The following RSU1 variants were observed in gnomAD, a reference collection of about 807,000 sequenced individuals.
RSU1 encodes rsu-1.
A neutral mutation model predicts 31.1 loss-of-function variants in RSU1; 26 were observed. That is an observed-to-expected ratio of 0.84 (90% CI 0.61 to 1.16). The LOEUF is 1.16. Among genes scored for constraint, RSU1 ranks in the 50% most tolerant of loss-of-function variants. The pLI is 0.00. For synonymous variants in RSU1, 164 were observed against 136.3 expected (o/e 1.20, Z -1.41); for missense variants, 320 against 339.1 (o/e 0.94, Z 0.44).
chr10:16,719,766 C>T (rs960402719), intron 7 of RSU1, among the ~76,000 whole-genome samples: 16 of 152,180 alleles, frequency 1.1e-4, no homozygotes, highest in African/African-American at 3.1e-4. Flanking sequence ...GCTATGTCTG[C>T]GCTCCTATCA....
At chr10:16,734,086 C>A (rs556889242) in intron 7 of RSU1, among the ~76,000 whole-genome samples, 2 of 152,208 alleles carry the variant, frequency 1.3e-5, no homozygotes, top group Non-Finnish European at 2.9e-5. Context: ...CACAAAGTGA[C>A]AGATTTAGTG....
chr10:16,591,639 G>A lies in RSU1; in HGVS notation c.*1755C>T, dbSNP rs1000566623. On this transcript the variant is annotated 3_prime_UTR_variant, in exon 9 of 9. Transcript: ENST00000345264. ...TTAAAAATATTACCAGTGAGTCTTC[G>A]ATGATTGCTTCATGTTTCTGGGAGG... 6.6e-6 allele frequency: 1 copy of A among 151,990 alleles called. No individual in the cohort carries two copies. Among genetic ancestry groups the A allele is most frequent in the Non-Finnish European group, 1.5e-5 (1 of 68,002 alleles). 9.4% of individuals were successfully genotyped at this position (151,990 alleles called of 1,614,324 possible). A position where few individuals can be genotyped will look rare whatever the true frequency, so the allele number is the denominator to read the frequency against.
intron 8 of RSU1, among the ~76,000 whole-genome samples, chr10:16,643,571 A>T (rs1244093675): frequency 1.3e-5 from 2 of 152,152 alleles, no homozygotes; most frequent in Non-Finnish European, 2.9e-5. Context: ...TTTCATATTC[A>T]CTCTCACTCA....
intron 8 of RSU1, among the ~76,000 whole-genome samples, chr10:16,630,714 A>G (rs1344938433): frequency 6.6e-6 from 1 of 152,216 alleles, no homozygotes; most frequent in African/African-American, 2.4e-5. Flanking sequence ...TTAATTGAAA[A>G]TATTTCTTCC....
intron 8 of RSU1, among the ~76,000 whole-genome samples, chr10:16,679,639 G>A (rs893719195): frequency 7.9e-5 from 12 of 152,134 alleles, no homozygotes; most frequent in Admixed American, 5.2e-4. Flanking sequence ...GGCAGCACAC[G>A]TGGACGTGAG....
At chr10:16,716,523 C>T (rs1836143527) in intron 7 of RSU1, among the ~76,000 whole-genome samples, 1 of 151,354 alleles carries the variant, frequency 6.6e-6, no homozygotes. Flanking sequence ...GGGATATGCC[C>T]TCCTGATCCC....
chr10:16,813,594 G>A lies in RSU1; in HGVS notation c.109+3379C>T, dbSNP rs553755243. Among the ~76,000 whole-genome samples the A allele has an allele frequency of 1.2e-4, 18 of 152,270 alleles. No individual in the cohort carries two copies. The South Asian group carries it at 1.9e-3, about 16-fold the overall frequency. On this transcript the variant is annotated intron_variant, in intron 2 of 8. Transcript: ENST00000345264. ...ACCAGTCTTATGAAGTGGTTTCTTA[G>A]GCTACCAATTATTAAGTAACTTGAG...
chr10:16,729,713 A>T lies in RSU1; in HGVS notation c.598+22826T>A, dbSNP rs112171366. Among the ~76,000 whole-genome samples, 375 of 152,282 alleles carry T rather than the reference A, an allele frequency of 2.5e-3. 3 individuals are homozygous for T. The highest frequency in any genetic ancestry group is 7.5e-3 in the African/African-American group (311 of 41,550). ...TTTATTTTTCTTTTTTATGGCATTGATATCACTGTTTATGTCAAAGATTGT... is the reference window on the plus strand; with the variant it reads ...TTTATTTTTCTTTTTTATGGCATTGTTATCACTGTTTATGTCAAAGATTGT... On this transcript the variant is annotated intron_variant, in intron 7 of 8. Coordinates refer to ENST00000345264, the MANE Select transcript of RSU1 (RefSeq NM_012425.4).
intron 7 of RSU1, among the ~76,000 whole-genome samples, chr10:16,697,801 TAGTG>T (rs1835710062): frequency 1.3e-5 from 2 of 152,262 alleles, no homozygotes; most frequent in Non-Finnish European, 1.5e-5. Context: ...ATTTTCTAGT[TAGTG>T]AGTATTTTCC....
rs1455210331 is a variant in RSU1 at position 16,817,407 on chromosome 10, G to A, written c.-96C>T. The A allele has an allele frequency of 7.1e-6, 2 of 281,052 alleles. No homozygotes were observed. Among genetic ancestry groups the A allele is most frequent in the Admixed American group, 1.0e-4 (2 of 19,916 alleles). 17.4% of individuals were successfully genotyped at this position (281,052 alleles called of 1,614,324 possible). Reference sequence around the variant, plus strand: ...CCTCACTCCCTGCAACACCGGCACTGAACAGCGAACACGCCCTGTCTCGGC... The same window carrying A: ...CCTCACTCCCTGCAACACCGGCACTAAACAGCGAACACGCCCTGTCTCGGC... On this transcript the variant is annotated 5_prime_UTR_variant, in exon 1 of 9. Coordinates refer to ENST00000345264, the MANE Select transcript of RSU1 (RefSeq NM_012425.4).
At chr10:16,651,832 A>T (rs1834688760) in intron 8 of RSU1, among the ~76,000 whole-genome samples, 1 of 152,250 alleles carries the variant, frequency 6.6e-6, no homozygotes, top group Non-Finnish European at 1.5e-5. Context: ...AACTGACTTA[A>T]AATAACAGAC....
At chr10:16,749,741 G>A (rs945994598) in intron 7 of RSU1, among the ~76,000 whole-genome samples, 5 of 152,180 alleles carry the variant, frequency 3.3e-5, no homozygotes, top group Non-Finnish European at 5.9e-5. Flanking sequence ...TCTCAGCTGC[G>A]TTTTGCAAAG....
chr10:16,604,354 G>C (rs1833763979), intron 8 of RSU1, among the ~76,000 whole-genome samples: 1 of 152,190 alleles, frequency 6.6e-6, no homozygotes, highest in South Asian at 2.1e-4. Context: ...CTGCCCATCA[G>C]AGTCAGCACT....
At chr10:16,776,075 CT>C (rs771278932) in intron 3 of RSU1, among the ~76,000 whole-genome samples, 21 of 152,170 alleles carry the variant, frequency 1.4e-4, no homozygotes, top group Non-Finnish European at 2.6e-4. Flanking sequence ...GAGGGAATAA[CT>C]ACAGACTTAA....
chr10:16,809,547 A>C (rs189480812), intron 2 of RSU1, among the ~76,000 whole-genome samples: 7 of 152,266 alleles, frequency 4.6e-5, no homozygotes, highest in African/African-American at 1.4e-4. Context: ...CTTGATCTAG[A>C]CCAAATGCTC....
intron 8 of RSU1, among the ~76,000 whole-genome samples, chr10:16,643,526 CTCCT>C (rs1171950567): frequency 6.6e-6 from 1 of 151,956 alleles, no homozygotes; most frequent in African/African-American, 2.4e-5. Flanking sequence ...CTTACTTCTC[CTCCT>C]TCCAAGAATT....
At chr10:16,688,990 A>T (rs1375711377) in intron 8 of RSU1, among the ~76,000 whole-genome samples, 1 of 149,296 alleles carries the variant, frequency 6.7e-6, no homozygotes, top group Non-Finnish European at 1.5e-5. Flanking sequence ...CCTGGGTGAC[A>T]AAGTGATACT....
chr10:16,805,750 C>T (rs1207417076), intron 2 of RSU1, among the ~76,000 whole-genome samples: 4 of 148,976 alleles, frequency 2.7e-5, no homozygotes, highest in South Asian at 2.1e-4. Flanking sequence ...TTTAGCAATA[C>T]TGGCATTAGT....
chr10:16,624,324 C>T (rs1483503994), intron 8 of RSU1, among the ~76,000 whole-genome samples: 1 of 152,110 alleles, frequency 6.6e-6, no homozygotes, highest in Non-Finnish European at 1.5e-5. Context: ...CCAGTTACTT[C>T]CCTTTCTGGT....
Sources: allele counts gnomAD v4.1 joint callset (sites outside exome capture counted in the v4.1 genomes callset), GRCh38; gene constraint gnomAD v4.1.1; transcripts MANE v1.5; gene names NCBI Gene and HGNC (gene_info 2026-07-23, HGNC 2026-07-21).